STC2: variants seen among roughly 807,000 people sequenced by gnomAD.
The protein encoded by STC2 is stanniocalcin-2.
Under a neutral mutation model 22.7 loss-of-function variants are expected in STC2, and 7 were observed. That is an observed-to-expected ratio of 0.31 (90% CI 0.18 to 0.58). The LOEUF is 0.58. Ranked by LOEUF, STC2 falls within the 20% of genes least tolerant of loss-of-function variation. The pLI, the probability that STC2 is intolerant of heterozygous loss-of-function variation, is 0.89. For missense variants in STC2, 336 were observed against 406.2 expected, an observed-to-expected ratio of 0.83 and a Z score of 1.48; for synonymous variants, 158 against 163.4, an observed-to-expected ratio of 0.97 and a Z score of 0.25.
chr5:173,319,456 G>A (rs142455588), intron 3 of STC2, among the ~76,000 whole-genome samples: 7 of 152,342 alleles, frequency 4.6e-5, no homozygotes, highest in South Asian at 4.1e-4. Flanking sequence ...GAGCAGGGAA[G>A]TCACCATGGA....
intron 2 of STC2, among the ~76,000 whole-genome samples, chr5:173,324,692 T>G (rs1762525393): frequency 6.6e-6 from 1 of 152,164 alleles, no homozygotes; most frequent in African/African-American, 2.4e-5. Flanking sequence ...TTCCTGTTGG[T>G]TGGGAAAAAA....
At chr5:173,321,356 G>C (rs3776777) in intron 3 of STC2, among the ~76,000 whole-genome samples, 69,761 of 152,016 alleles carry the variant, frequency 0.46, 17,114 homozygotes, top group Admixed American at 0.6. Flanking sequence ...ATTCCCCACC[G>C]ATTCCTGAGG....
In STC2 at chr5:173,317,837, G is replaced by T; in HGVS notation, c.*10C>A. 1 of 1,542,260 alleles carries T rather than the reference G, an allele frequency of 6.5e-7. No individual in the cohort carries two copies. ...CGTGGAGGAAAGATTTCGTGGCCAG[G>T]CCTTTCATTTCACCTCCGGATATCA... On this transcript the variant is annotated 3_prime_UTR_variant, in exon 4 of 4. Coordinates refer to ENST00000265087, the MANE Select transcript of STC2 (RefSeq NM_003714.3).
At chr5:173,321,121 G>T (rs1270267119) in intron 3 of STC2, among the ~76,000 whole-genome samples, 1 of 151,864 alleles carries the variant, frequency 6.6e-6, no homozygotes, top group Non-Finnish European at 1.5e-5. Flanking sequence ...TGGGGTGGGG[G>T]GTCATAGGCT....
chr5:173,328,412 A>C lies in STC2; in HGVS notation c.-219T>G. On this transcript the variant is annotated 5_prime_UTR_variant, in exon 1 of 4. Transcript: ENST00000265087. ...TGACCAGGCCGTTAGCAGCGCCGCG[A>C]GTGCCCGGCAATGGCAGGGATGGTG... 1 of 415,970 alleles carries C rather than the reference A, an allele frequency of 2.4e-6. No individual in the cohort carries two copies. The highest frequency in any genetic ancestry group is 4.2e-6 in the Non-Finnish European group (1 of 240,268). 25.8% of individuals were successfully genotyped at this position (415,970 alleles called of 1,614,324 possible).
Position 173,323,166 on chromosome 5 carries a change from C to A in STC2, c.506+53G>T, listed in dbSNP as rs1160861547. 2.3e-5 allele frequency: 37 copies of A among 1,580,386 alleles called. No homozygotes were observed. In the East Asian group the frequency reaches 7.9e-4, roughly 34 times the overall value. The stretch of plus-strand genomic sequence containing the variant: ...CGCGGCTCTCCTCCCATACACATTG[C>A]CATCCTTGCTGGGTGGCCCCTTCAC... On this transcript the variant is annotated intron_variant, in intron 3 of 3. Coordinates refer to ENST00000265087, the MANE Select transcript of STC2 (RefSeq NM_003714.3). This position sits in a 1 kb window ranked among gnomAD's most constrained non-coding sequence, Gnocchi z 5.4.
In STC2 at chr5:173,328,288, C is replaced by T. The variant is rs144317559; in HGVS notation, c.-95G>A. 245 of 1,296,284 alleles carry T rather than the reference C, an allele frequency of 1.9e-4. No homozygotes were observed. Among genetic ancestry groups the T allele is most frequent in the Non-Finnish European group, 2.3e-4 (227 of 992,490 alleles). 80.3% of individuals were successfully genotyped at this position (1,296,284 alleles called of 1,614,324 possible). A position where few individuals can be genotyped will look rare whatever the true frequency, so the allele number is the denominator to read the frequency against. Reference sequence around the variant, plus strand: ...TCCTCCTTCGCCGCTTCCCCTCCTCCTCCCACTCTTCCTTTTTGCTCGCCT... The same window carrying T: ...TCCTCCTTCGCCGCTTCCCCTCCTCTTCCCACTCTTCCTTTTTGCTCGCCT... On this transcript the variant is annotated 5_prime_UTR_variant, in exon 1 of 4. Transcript: ENST00000265087.
rs1253001865 is a variant in STC2 at position 173,328,341 on chromosome 5, G to T, written c.-148C>A. 2 of 871,798 alleles carry T rather than the reference G, an allele frequency of 2.3e-6. No individual in the cohort carries two copies. Among genetic ancestry groups the T allele is most frequent in the Non-Finnish European group, 3.2e-6 (2 of 626,184 alleles). The allele number at this position is 871,798 out of a possible 1,614,324, so 54.0% of individuals were successfully genotyped here. ...TCCCTCCTCCTCGCGGCCGCGGCTCGGATAGAGGTTACCCAGCGCCCTCCC... is the reference window on the plus strand; with the variant it reads ...TCCCTCCTCCTCGCGGCCGCGGCTCTGATAGAGGTTACCCAGCGCCCTCCC... On this transcript the variant is annotated 5_prime_UTR_variant, in exon 1 of 4. Coordinates refer to ENST00000265087, the MANE Select transcript of STC2 (RefSeq NM_003714.3).
In STC2 at chr5:173,322,571, G is replaced by A. The variant is rs537333530; in HGVS notation, c.506+648C>T. Among the ~76,000 whole-genome samples the A allele has an allele frequency of 7.2e-5, 11 of 152,198 alleles. No homozygotes were observed. In the South Asian group the frequency reaches 1.5e-3, roughly 20 times the overall value. On this transcript the variant is annotated intron_variant, in intron 3 of 3. Transcript: ENST00000265087. The stretch of plus-strand genomic sequence containing the variant: ...ACTAATGTATGAGAGAAGGTAAACC[G>A]AACCTTCTAAGGGAAAGGAAAGTTA...
Position 173,323,195 on chromosome 5 carries a change from G to C in STC2, c.506+24C>G. ...CCTTGCTGGGTGGCCCCTTCACCCA[G>C]GCCCTCTGCGGGGCAGTACTCACTC... On this transcript the variant is annotated intron_variant, in intron 3 of 3. Transcript: ENST00000265087. The surrounding 1 kb of genome is among the most constrained non-coding windows in gnomAD (Gnocchi z 5.4). 1 of 1,613,164 alleles carries C rather than the reference G, an allele frequency of 6.2e-7. No homozygotes were observed. Among genetic ancestry groups the C allele is most frequent in the Non-Finnish European group, 8.5e-7 (1 of 1,179,238 alleles).
chr5:173,324,842 G>A (rs1581140301), intron 2 of STC2, among the ~76,000 whole-genome samples: 1 of 152,324 alleles, frequency 6.6e-6, no homozygotes. Context: ...AATCCAGAGT[G>A]ATGCTTTATT....
intron 2 of STC2, among the ~76,000 whole-genome samples, chr5:173,324,923 G>A (rs142061497): frequency 1.3e-5 from 2 of 152,204 alleles, no homozygotes; most frequent in South Asian, 2.1e-4. Context: ...TGGCCACACC[G>A]CACATCCTCT....
rs767568775 is a variant in STC2, at chr5:173,323,694, C to T, written c.295-264G>A. On this transcript the variant is annotated intron_variant, in intron 2 of 3. Coordinates refer to ENST00000265087, the MANE Select transcript of STC2 (RefSeq NM_003714.3). This position sits in a 1 kb window ranked among gnomAD's most constrained non-coding sequence, Gnocchi z 5.4. ...ACACATCTCCCTCCTTCCTCCCTGG[C>T]TACTCTGTGAGTTTCCCTCCAACGG... Among the ~76,000 whole-genome samples, 93 of 152,218 alleles carry T rather than the reference C, an allele frequency of 6.1e-4. No homozygotes were observed. The highest frequency in any genetic ancestry group is 3.2e-3 in the Middle Eastern group (1 of 316).
rs147001479 is a variant in STC2 at position 173,328,080 on chromosome 5, G to C, written c.114C>G (p.Ser38Arg). ...GGGACAGGCGGCCTTTCTGCTGGGA[G>C]CTCCTGTCTTGGGGACCCTCGGGTG... ...TNPPEGPQDRSSQQKGRLSLQ... is the reference protein window; with the variant it reads ...TNPPEGPQDRRSQQKGRLSLQ... Residue 38 changes from serine (S) to arginine (R), a missense_variant, in exon 1 of 4, where the codon AGC (serine) becomes AGG (arginine). By Grantham distance (110) the Ser-to-Arg change is moderately radical. Transcript: ENST00000265087. 1 of 1,594,474 alleles carries C rather than the reference G, an allele frequency of 6.3e-7. No individual in the cohort carries two copies. Among genetic ancestry groups the C allele is most frequent in the Non-Finnish European group, 8.5e-7 (1 of 1,170,998 alleles).
Position 173,316,726 on chromosome 5 carries a change from C to A in STC2, c.*1121G>T, listed in dbSNP as rs904954760. 6.6e-6 allele frequency: 1 copy of A among 152,140 alleles called. No homozygotes were observed. The highest frequency in any genetic ancestry group is 1.5e-5 in the Non-Finnish European group (1 of 68,036). 9.4% of individuals were successfully genotyped at this position (152,140 alleles called of 1,614,324 possible). ...ATTACTAAGTAGTCTTCATTCTCTT[C>A]TTTCCTTTCCCATCCCCTCACATGG... is the stretch of plus-strand genomic sequence containing the variant. On this transcript the variant is annotated 3_prime_UTR_variant, in exon 4 of 4. Coordinates refer to ENST00000265087, the MANE Select transcript of STC2 (RefSeq NM_003714.3).
At chr5:173,321,860 T>G (rs1762491319) in intron 3 of STC2, among the ~76,000 whole-genome samples, 1 of 152,242 alleles carries the variant, frequency 6.6e-6, no homozygotes, top group African/African-American at 2.4e-5. Context: ...GATGATGCTG[T>G]GGCTGCTATT....
chr5:173,317,765 T>C lies in STC2; in HGVS notation c.*82A>G, dbSNP rs1762438919. 10 of 1,475,842 alleles carry C rather than the reference T, an allele frequency of 6.8e-6. No homozygotes were observed. The Admixed American group carries it at 2.3e-4, about 33-fold the overall frequency. The allele number at this position is 1,475,842 out of a possible 1,614,324, so 91.4% of individuals were successfully genotyped here. The stretch of plus-strand genomic sequence containing the variant: ...AATCCTGCGTGTGACATCCCCCCTC[T>C]CTAATGGTAAATGTTTTGGAATGTC... On this transcript the variant is annotated 3_prime_UTR_variant, in exon 4 of 4. Coordinates refer to ENST00000265087, the MANE Select transcript of STC2 (RefSeq NM_003714.3).
intron 3 of STC2, among the ~76,000 whole-genome samples, chr5:173,318,995 A>C (rs1247911712): frequency 6.6e-6 from 1 of 152,128 alleles, no homozygotes. Context: ...CCATCTGAGC[A>C]TCTTTATTCT....
In STC2 at chr5:173,328,260, T is replaced by C. The variant is rs1187210066; in HGVS notation, c.-67A>G. On this transcript the variant is annotated 5_prime_UTR_variant, in exon 1 of 4. Transcript: ENST00000265087. ...TGTGCTCCCCTCTTCCTCCTCCTCC[T>C]CTTCCTCCTTCGCCGCTTCCCCTCC... is the stretch of plus-strand genomic sequence containing the variant. 7.3e-7 allele frequency: 1 copy of C among 1,364,318 alleles called. No individual in the cohort carries two copies. Among genetic ancestry groups the C allele is most frequent in the Non-Finnish European group, 9.5e-7 (1 of 1,047,742 alleles). The allele number at this position is 1,364,318 out of a possible 1,614,324, so 84.5% of individuals were successfully genotyped here.
Sources: gnomAD v4.1 joint callset for allele counts (sites outside exome capture counted in the v4.1 genomes callset) on GRCh38, gnomAD v4.1.1 for gene constraint, Gnocchi (gnomAD v3.1) non-coding constraint, MANE v1.5 for transcripts, NCBI Gene and HGNC (gene_info 2026-07-23, HGNC 2026-07-21) for gene names.